The following SGSM1 variants were observed in gnomAD, a reference collection of about 807,000 sequenced individuals.
SGSM1 encodes small G protein signaling modulator 1, also known as RUN and TBC1 domain containing 2.
In SGSM1, 73 loss-of-function variants were observed where a neutral mutation model predicts 133.8. The ratio of observed to expected loss-of-function variants is 0.55; its 90% CI spans 0.45 to 0.66. SGSM1 has a LOEUF of 0.66. Ranked by LOEUF, SGSM1 falls within the 30% of genes least tolerant of loss-of-function variation. The pLI, the probability that SGSM1 is intolerant of heterozygous loss-of-function variation, is 0.00. For missense variants in SGSM1, 1,213 were observed against 1,448.1 expected (o/e 0.84, Z 2.64); for synonymous variants, 563 against 573.0 (o/e 0.98, Z 0.25).
At chr22:24,897,053 C>T (rs993373025) in intron 18 of SGSM1, among the ~76,000 whole-genome samples, 1 of 151,914 alleles carries the variant, frequency 6.6e-6, no homozygotes, top group Admixed American at 6.6e-5. Flanking sequence ...TTATTGTCTC[C>T]CCTTATTTTG....
intron 21 of SGSM1, among the ~76,000 whole-genome samples, chr22:24,910,139 T>A (rs913186258): frequency 6.6e-6 from 1 of 152,042 alleles, no homozygotes; most frequent in African/African-American, 2.4e-5. Context: ...ATGTCCAGAA[T>A]AGACAAATCC....
At chr22:24,858,936 C>T (rs770022426) in intron 8 of SGSM1, among the ~76,000 whole-genome samples, 45 of 152,242 alleles carry the variant, frequency 3.0e-4, no homozygotes, top group Non-Finnish European at 4.4e-5. Flanking sequence ...AGGGCAGCCA[C>T]GTCACAGTTG....
intron 22 of SGSM1, 134 bp from the exon 23 acceptor site, chr22:24,917,524 C>A: frequency 1.8e-6 from 1 of 570,378 alleles, no homozygotes; most frequent in South Asian, 2.8e-5. Flanking sequence ...AGATCTTTTC[C>A]CATTTTTTAA....
At chr22:24,883,988 C>G (rs893705245) in intron 14 of SGSM1, 65 bp from the exon 15 acceptor site, 1 of 1,481,524 alleles carries the variant, frequency 6.7e-7, no homozygotes, top group Non-Finnish European at 9.0e-7. Flanking sequence ...CTTGGGAAGT[C>G]CCATGAGACA....
At chr22:24,820,669 G>A (rs1000150185) in intron 2 of SGSM1, among the ~76,000 whole-genome samples, 1 of 152,190 alleles carries the variant, frequency 6.6e-6, no homozygotes, top group Non-Finnish European at 1.5e-5. Context: ...TGTGGCAGGA[G>A]TGGCGGGGGC....
At chr22:24,812,864 A>G (rs1927828633) in intron 2 of SGSM1, among the ~76,000 whole-genome samples, 1 of 152,174 alleles carries the variant, frequency 6.6e-6, no homozygotes, top group Non-Finnish European at 1.5e-5. Flanking sequence ...GCCCTGTTCT[A>G]CAAGCTGCAA....
chr22:24,897,567 G>A (rs1274218102), intron 18 of SGSM1, among the ~76,000 whole-genome samples: 1 of 152,140 alleles, frequency 6.6e-6, no homozygotes, highest in Non-Finnish European at 1.5e-5. Context: ...CCCCAGGCTT[G>A]GGTGATTCTC....
chr22:24,824,606 A>C (rs1172734087), intron 2 of SGSM1, among the ~76,000 whole-genome samples: 1 of 47,088 alleles, frequency 2.1e-5, no homozygotes, highest in Non-Finnish European at 4.8e-5. Flanking sequence ...CCCTGATACA[A>C]TGTCCTTAAT....
rs117559162 is a variant in SGSM1 at position 24,880,559 on chromosome 22, G to A, written c.1495+1033G>A. The stretch of plus-strand genomic sequence containing the variant: ...ACAACCTGCATGGGTCTGTGAAACA[G>A]CAGTGGAGCTCACACCCTGAGTGCC... On this transcript the variant is annotated intron_variant, in intron 14 of 24. Coordinates refer to ENST00000400358, the MANE Select transcript of SGSM1 (RefSeq NM_001098497.3). Among the ~76,000 whole-genome samples the A allele has an allele frequency of 4.8e-4, 73 of 152,364 alleles. 2 individuals carry two copies. In the East Asian group the frequency reaches 0.013, roughly 28 times the overall value.
chr22:24,879,547 C>T, intron 14 of SGSM1, 21 bp downstream of exon 14: 1 of 1,609,232 alleles, frequency 6.2e-7, no homozygotes, highest in Non-Finnish European at 8.5e-7. Flanking sequence ...GGCTCCATTG[C>T]CAGTGTGTCT....
At chr22:24,893,727 A>C (rs1932857054) in intron 17 of SGSM1, 114 bp downstream of exon 17, 1 of 1,184,398 alleles carries the variant, frequency 8.4e-7, no homozygotes, top group African/African-American at 1.6e-5. Flanking sequence ...TGACAGTCTC[A>C]CCCCTGGCTT....
At position 24,855,048 on chromosome 22, in the gene SGSM1, C is replaced by G. The variant is rs368971861; in HGVS notation, c.508C>G (p.Leu170Val). 5 of 1,613,130 alleles carry G rather than the reference C, an allele frequency of 3.1e-6. No individual in the cohort carries two copies. The African/African-American group carries it at 6.7e-5, about 22-fold the overall frequency. ...LLMDPVDGPILASLLVGPCAL... is the reference protein window; with the variant it reads ...LLMDPVDGPIVASLLVGPCAL... ...GATGGACCCTGTGGACGGCCCCATCCTTGCATCTTTGTTGGGTAAGTTGTC... is the reference window on the plus strand; with the variant it reads ...GATGGACCCTGTGGACGGCCCCATCGTTGCATCTTTGTTGGGTAAGTTGTC... Residue 170 changes from leucine (L) to valine (V), a missense_variant, in exon 6 of 25, where the codon CTT becomes GTT. By Grantham distance (32) the Leu-to-Val change is conservative (BLOSUM62 1). Transcript: ENST00000400358.
chr22:24,886,513 G>A (rs1486363076), intron 15 of SGSM1, 87 bp from the exon 16 acceptor site: 4 of 1,484,296 alleles, frequency 2.7e-6, no homozygotes, highest in Non-Finnish European at 3.6e-6. Context: ...AGACCAATCT[G>A]GCCAACATGG....
intron 20 of SGSM1, among the ~76,000 whole-genome samples, chr22:24,904,196 A>G (rs1190644704): frequency 6.6e-6 from 1 of 152,092 alleles, no homozygotes; most frequent in Middle Eastern, 3.2e-3. Flanking sequence ...TTTTAAATGT[A>G]CATTTAAAAA....
At chr22:24,898,685 A>T (rs1054479687) in intron 19 of SGSM1, 126 bp downstream of exon 19, 38 of 933,396 alleles carry the variant, frequency 4.1e-5, no homozygotes, top group Middle Eastern at 2.3e-4. Flanking sequence ...TTTTTCCGTC[A>T]TGGAGGATTC....
intron 12 of SGSM1, among the ~76,000 whole-genome samples, chr22:24,871,960 A>G (rs1931787450): frequency 6.6e-6 from 1 of 152,180 alleles, no homozygotes; most frequent in Non-Finnish European, 1.5e-5. Flanking sequence ...ACCCCTTTTC[A>G]TGGGCCAATT....
intron 12 of SGSM1, among the ~76,000 whole-genome samples, chr22:24,870,687 G>A (rs1178709860): frequency 6.6e-6 from 1 of 152,178 alleles, no homozygotes. Context: ...GGCCACAAGA[G>A]TCCCTTCTGG....
intron 2 of SGSM1, among the ~76,000 whole-genome samples, chr22:24,812,575 A>T (rs867991410): frequency 7.9e-5 from 12 of 152,302 alleles, no homozygotes; most frequent in African/African-American, 2.9e-4. Context: ...GGAAAGGTCC[A>T]TTAGTCCCAG....
rs1930396440 is a variant in SGSM1, at chr22:24,850,523, TTTTTCCC to T, written c.455+92_455+98del. On this transcript the variant is annotated intron_variant, in intron 5 of 24. Coordinates refer to ENST00000400358, the MANE Select transcript of SGSM1 (RefSeq NM_001098497.3). ...CACCCCCTGGCACAAAGCTGCTTTC[TTTTTCCC>T]CTTGACAGCCACTAAATTTGAAAGT... 4.0e-6 allele frequency: 6 copies of T among 1,513,510 alleles called. No individual in the cohort carries two copies. The East Asian group carries it at 1.4e-4, about 35-fold the overall frequency. The allele number at this position is 1,513,510 out of a possible 1,614,324, so 93.8% of individuals were successfully genotyped here.
Sources: allele counts gnomAD v4.1 joint callset (sites outside exome capture counted in the v4.1 genomes callset), GRCh38; gene constraint gnomAD v4.1.1; transcripts MANE v1.5; gene names NCBI Gene and HGNC (gene_info 2026-07-23, HGNC 2026-07-21).